The following RIOK2 variants were observed in gnomAD, a reference collection of about 807,000 sequenced individuals.
RIOK2 encodes serine/threonine-protein kinase RIO2.
In RIOK2, 46 loss-of-function variants were observed where a neutral mutation model predicts 62.4. The ratio of observed to expected loss-of-function variants is 0.74; its 90% CI spans 0.58 to 0.94. The LOEUF is 0.94. Among genes scored for constraint, RIOK2 ranks in the 40% least tolerant of loss-of-function variants. RIOK2 has a pLI of 0.00. For missense variants in RIOK2, 574 were observed against 658.0 expected (o/e 0.87, Z 1.40); for synonymous variants, 197 against 216.0 (o/e 0.91, Z 0.77).
At position 97,177,821 on chromosome 5, in the gene RIOK2, G is replaced by A. The variant is rs1749212652; in HGVS notation, c.233C>T (p.Ala78Val). 1 of 1,613,008 alleles carries A rather than the reference G, an allele frequency of 6.2e-7. No homozygotes were observed. Among genetic ancestry groups the A allele is most frequent in the Non-Finnish European group, 8.5e-7 (1 of 1,179,408 alleles). The change falls in exon 3 of 10, where the codon GCA becomes GTA. Residue 78 changes from alanine to valine, a missense_variant. By Grantham distance (64) the Ala-to-Val change is moderately conservative (BLOSUM62 0). Transcript: ENST00000283109. Reference protein sequence around the residue: ...KTVQGYRLTNAGYDYLALKTL... With the variant: ...KTVQGYRLTNVGYDYLALKTL... The stretch of plus-strand genomic sequence containing the variant: ...TTTCAAAGCTAGGTAATCATATCCT[G>A]CATTTGTCAACCGATAGCCCTGGAC...
chr5:97,166,723 C>T (rs1206545068), intron 8 of RIOK2: 3 of 961,324 alleles, frequency 3.1e-6, no homozygotes, highest in Non-Finnish European at 2.5e-6. Context: ...GCTCAAGGTA[C>T]TAGAGAAAAT....
chr5:97,174,697 C>T (rs189747842), intron 4 of RIOK2, among the ~76,000 whole-genome samples: 1 of 152,208 alleles, frequency 6.6e-6, no homozygotes. Context: ...CCACTCAGCT[C>T]CACTCACTAC....
intron 1 of RIOK2, 61 bp from the exon 2 acceptor site, chr5:97,179,254 C>T: frequency 6.5e-7 from 1 of 1,531,762 alleles, no homozygotes. Flanking sequence ...TATCAAAACC[C>T]TGCGAAATTA....
chr5:97,183,236 A>AAAGCGT lies in RIOK2; in HGVS notation c.-51_-46dup. 6.2e-7 allele frequency: 1 copy of AAAGCGT among 1,603,532 alleles called. No homozygotes were observed. Among genetic ancestry groups the AAAGCGT allele is most frequent in the Non-Finnish European group, 8.5e-7 (1 of 1,170,438 alleles). ...CAGATGCCTCTCCGACGACAGCCGCAAAGCGTAAGGCAGGTCGTTATTCCA... is the reference window on the plus strand; with the variant it reads ...CAGATGCCTCTCCGACGACAGCCGCAAAGCGTAAGCGTAAGGCAGGTCGTTATTCCA... On this transcript the variant is annotated 5_prime_UTR_variant, in exon 1 of 10. Transcript: ENST00000283109.
At position 97,166,495 on chromosome 5, in the gene RIOK2, C is replaced by G. The variant is rs192317008; in HGVS notation, c.1397+972G>C. The G allele has an allele frequency of 1.4e-4, 29 of 205,046 alleles. 1 individual carries two copies. The East Asian group carries it at 3.7e-3, about 26-fold the overall frequency. 12.7% of individuals were successfully genotyped at this position (205,046 alleles called of 1,614,324 possible). ...AATGTTTAATAAATGTATTGCTGAACTAATTTTAATTGTCATATTACTATT... is the reference window on the plus strand; with the variant it reads ...AATGTTTAATAAATGTATTGCTGAAGTAATTTTAATTGTCATATTACTATT... On this transcript the variant is annotated intron_variant, in intron 8 of 9. Coordinates refer to ENST00000283109, the MANE Select transcript of RIOK2 (RefSeq NM_018343.3).
intron 8 of RIOK2, chr5:97,167,107 G>A (rs1224348905): frequency 1.5e-6 from 1 of 650,120 alleles, no homozygotes; most frequent in Non-Finnish European, 2.0e-6. Context: ...AGTAGAGACA[G>A]GGTTTTGCCA....
In RIOK2 at chr5:97,167,851, T is replaced by G. The variant is rs1013318182; in HGVS notation, c.1013A>C (p.Asp338Ala). The G allele has an allele frequency of 6.2e-7, 1 of 1,614,102 alleles. No homozygotes were observed. Among genetic ancestry groups the G allele is most frequent in the Admixed American group, 1.7e-5 (1 of 60,022 alleles). Reference sequence around the variant, plus strand: ...CTCTGCTTTTTCTGCCACTTCTCCATCTGAAAATGAGAATTCAGATCCCTC... The same window carrying G: ...CTCTGCTTTTTCTGCCACTTCTCCAGCTGAAAATGAGAATTCAGATCCCTC... The part of the protein sequence containing the change: ...TKEGSEFSFS[D>A]GEVAEKAEVY... The change falls in exon 8 of 10, where the codon GAT becomes GCT. Residue 338 changes from aspartate (D) to alanine (A), a missense_variant. Coordinates refer to ENST00000283109, the MANE Select transcript of RIOK2 (RefSeq NM_018343.3).
intron 5 of RIOK2, among the ~76,000 whole-genome samples, chr5:97,172,012 G>A (rs539865398): frequency 6.2e-4 from 94 of 151,978 alleles, no homozygotes; most frequent in Non-Finnish European, 1.1e-3. Context: ...CTTAACTCTT[G>A]GGACACCATT....
rs748230025 is a variant in RIOK2 at position 97,167,826 on chromosome 5, C to G, written c.1038G>C (p.Glu346Asp). 6.2e-7 allele frequency: 1 copy of G among 1,614,120 alleles called. No homozygotes were observed. Among genetic ancestry groups the G allele is most frequent in the South Asian group, 1.1e-5 (1 of 91,084 alleles). Residue 346 changes from glutamate to aspartate, a missense_variant, in exon 8 of 10, where the codon GAG (glutamate) becomes GAC (aspartate). Glu to Asp is a conservative substitution (Grantham distance 45). Coordinates refer to ENST00000283109, the MANE Select transcript of RIOK2 (RefSeq NM_018343.3). ...FSDGEVAEKA[E>D]VYGSENESER... is the part of the protein sequence containing the mutation. ...CACTTTCATTTTCTGACCCGTAAAC[C>G]TCTGCTTTTTCTGCCACTTCTCCAT...
At position 97,167,508 on chromosome 5, in the gene RIOK2, T is replaced by C; in HGVS notation, c.1356A>G (p.Leu452=). The change falls in exon 8 of 10, where the codon CTA becomes CTG. Residue 452 remains leucine, a synonymous_variant. Coordinates refer to ENST00000283109, the MANE Select transcript of RIOK2 (RefSeq NM_018343.3). ...CTCTATTTAATGACGACAAGGCAAT[T>C]AGATGAGGGCATTCATCTTCATACT... ...SDEYEDECPH[L]IALSSLNREF... 1 of 1,614,170 alleles carries C rather than the reference T, an allele frequency of 6.2e-7. No individual in the cohort carries two copies.
intron 1 of RIOK2, 144 bp downstream of exon 1, chr5:97,182,982 C>A: frequency 1.1e-6 from 1 of 886,806 alleles, no homozygotes; most frequent in Non-Finnish European, 1.9e-6. Context: ...ATCCGACTTT[C>A]TGAATGCTCT....
At chr5:97,171,429 C>T (rs567193111) in intron 5 of RIOK2, 32 bp from the exon 6 acceptor site, 6 of 1,432,596 alleles carry the variant, frequency 4.2e-6, no homozygotes, top group Middle Eastern at 2.0e-4. Flanking sequence ...AAATAGGTTA[C>T]TTGTGTTCAT....
At chr5:97,177,648 G>A (rs1478653938) in intron 3 of RIOK2, 84 bp downstream of exon 3, 4 of 858,096 alleles carry the variant, frequency 4.7e-6, no homozygotes, top group Non-Finnish European at 7.3e-6. Context: ...AGAAAAAAGG[G>A]AAAATTAAAA....
At chr5:97,173,425 C>G (rs954072300) in intron 4 of RIOK2, among the ~76,000 whole-genome samples, 162 bp from the exon 5 acceptor site, 4 of 151,982 alleles carry the variant, frequency 2.6e-5, no homozygotes, top group Admixed American at 1.3e-4. Flanking sequence ...TTATTCACTG[C>G]GTAGAATTAG....
intron 4 of RIOK2, among the ~76,000 whole-genome samples, chr5:97,175,106 T>G (rs1031014445): frequency 6.6e-6 from 1 of 151,600 alleles, no homozygotes; most frequent in Non-Finnish European, 1.5e-5. Context: ...CTGTTTCATG[T>G]GTTATCTTCT....
In RIOK2 at chr5:97,167,725, C is replaced by G. The variant is rs576754020; in HGVS notation, c.1139G>C (p.Ser380Thr). Residue 380 changes from serine (S) to threonine (T), a missense_variant, in exon 8 of 10, where the codon AGT (serine) becomes ACT (threonine). Ser to Thr is a moderately conservative substitution (Grantham distance 58). Coordinates refer to ENST00000283109, the MANE Select transcript of RIOK2 (RefSeq NM_018343.3). ...TGCATCAGCACTCTCTTCTGATAAACTGTCTTCCTTTATTTGTTCAGGGTC... is the reference window on the plus strand; with the variant it reads ...TGCATCAGCACTCTCTTCTGATAAAGTGTCTTCCTTTATTTGTTCAGGGTC... ...SGDPEQIKEDSLSEESADARS... is the reference protein window; with the variant it reads ...SGDPEQIKEDTLSEESADARS... 8.7e-6 allele frequency: 14 copies of G among 1,614,172 alleles called. No individual in the cohort carries two copies. In the South Asian group the frequency reaches 1.4e-4, roughly 16 times the overall value.
intron 6 of RIOK2, among the ~76,000 whole-genome samples, chr5:97,170,786 T>C (rs2432113): frequency 0.57 from 86,513 of 151,968 alleles, 24,711 homozygotes; most frequent in East Asian, 0.65. Flanking sequence ...ACCTAAATAA[T>C]AGTATCACAA....
At chr5:97,164,854 C>G (rs771967243) in intron 9 of RIOK2, 197 bp downstream of exon 9, 20 of 371,930 alleles carry the variant, frequency 5.4e-5, no homozygotes, top group Non-Finnish European at 8.1e-5. Flanking sequence ...ATAATGGTGG[C>G]AGGACACAAC....
chr5:97,176,333 T>G (rs959082773), intron 4 of RIOK2, among the ~76,000 whole-genome samples: 1 of 152,152 alleles, frequency 6.6e-6, no homozygotes, highest in African/African-American at 2.4e-5. Flanking sequence ...TCTTAAAAAC[T>G]AAAGATTTTT....
Sources: gnomAD v4.1 joint callset for allele counts (sites outside exome capture counted in the v4.1 genomes callset) on GRCh38, gnomAD v4.1.1 for gene constraint, MANE v1.5 for transcripts, NCBI Gene and HGNC (gene_info 2026-07-23, HGNC 2026-07-21) for gene names.